The following CHODL variants were observed in gnomAD, a reference collection of about 807,000 sequenced individuals.
CHODL encodes the protein chondrolectin.
CHODL carries 29 observed loss-of-function variants against 34.5 expected under a neutral mutation model. That is an observed-to-expected ratio of 0.84 (90% CI 0.63 to 1.15). CHODL has a LOEUF of 1.15. Ranked by LOEUF, CHODL falls within the 50% of genes most tolerant of loss-of-function variation. The pLI, the probability that CHODL is intolerant of heterozygous loss-of-function variation, is 0.00. For synonymous variants in CHODL, 125 were observed against 116.1 expected, an observed-to-expected ratio of 1.08 and a Z score of -0.49; for missense variants, 332 against 332.5, an observed-to-expected ratio of 1.00 and a Z score of 0.01.
chr21:18,261,860 C>T (rs1601225451), intron 4 of CHODL, among the ~76,000 whole-genome samples: 1 of 152,126 alleles, frequency 6.6e-6, no homozygotes, highest in East Asian at 1.9e-4. Context: ...TAATTAAGAT[C>T]AAGTCTTTGT....
chr21:17,931,158 C>T (rs2063269786), intron 1 of CHODL, among the ~76,000 whole-genome samples: 2 of 152,190 alleles, frequency 1.3e-5, no homozygotes, highest in Admixed American at 6.5e-5. Flanking sequence ...GGTGCCTGTG[C>T]TCCTCATTGA....
At chr21:18,227,798 T>C (rs1408586783) in intron 2 of CHODL, among the ~76,000 whole-genome samples, 1 of 152,174 alleles carries the variant, frequency 6.6e-6, no homozygotes, top group African/African-American at 2.4e-5. Flanking sequence ...GCTTATGGTA[T>C]AGATAAAATA....
At chr21:18,036,389 A>C (rs368540195) in intron 2 of CHODL, among the ~76,000 whole-genome samples, 19 of 152,080 alleles carry the variant, frequency 1.2e-4, no homozygotes, top group Middle Eastern at 3.4e-3. Context: ...TATCCTCTGC[A>C]TATTTCAGGG....
chr21:18,249,136 AAT>A lies in CHODL; in HGVS notation c.79+3848_79+3849del, dbSNP rs1246825482. ...ATATATAATAAAATACATATATAAT[AAT>A]ATATATATATATAAAGGAGTCCAAG... is the stretch of plus-strand genomic sequence containing the variant. On this transcript the variant is annotated intron_variant, in intron 1 of 5. Coordinates refer to ENST00000299295, the MANE Select transcript of CHODL (RefSeq NM_024944.3). 3.8e-4 allele frequency among the ~76,000 whole-genome samples: 51 copies of A among 134,230 alleles called. No individual in the cohort carries two copies. The South Asian group carries it at 8.7e-3, about 23-fold the overall frequency. The allele number at this position is 134,230 out of a possible 152,430, so 88.1% of individuals were successfully genotyped here.
intron 2 of CHODL, among the ~76,000 whole-genome samples, chr21:18,220,798 C>G (rs1398460884): frequency 6.6e-6 from 1 of 151,410 alleles, no homozygotes; most frequent in Non-Finnish European, 1.5e-5. Context: ...TGATTTGATG[C>G]TTTTCTTTTG....
chr21:18,256,500 T>C lies in CHODL; in HGVS notation c.80-9T>C. ...TATCAATATATGGGCATCTTTTTTT[T>C]TTTTTCAGGCCAAAAGGTGTGTTTT... On this transcript the variant is annotated splice_polypyrimidine_tract_variant and intron_variant, in intron 1 of 5. Transcript: ENST00000299295. 1 of 1,576,842 alleles carries C rather than the reference T, an allele frequency of 6.3e-7. No homozygotes were observed. Among genetic ancestry groups the C allele is most frequent in the South Asian group, 1.2e-5 (1 of 85,546 alleles).
intron 2 of CHODL, among the ~76,000 whole-genome samples, chr21:18,151,437 C>G (rs778433953): frequency 9.9e-5 from 15 of 152,202 alleles, no homozygotes; most frequent in Non-Finnish European, 1.8e-4. Flanking sequence ...CATGAAAGCT[C>G]TCCACCCCTT....
At chr21:18,135,108 G>T (rs534086221) in intron 2 of CHODL, among the ~76,000 whole-genome samples, 1 of 152,246 alleles carries the variant, frequency 6.6e-6, no homozygotes, top group South Asian at 2.1e-4. Flanking sequence ...TAAGTAAATG[G>T]CACTCTCTAT....
At chr21:18,009,318 T>G (rs946055349) in intron 1 of CHODL, among the ~76,000 whole-genome samples, 1 of 152,164 alleles carries the variant, frequency 6.6e-6, no homozygotes, top group Non-Finnish European at 1.5e-5. Context: ...TCAACACATA[T>G]TTTTTCATTT....
At chr21:17,976,564 T>G (rs1290617433) in intron 1 of CHODL, among the ~76,000 whole-genome samples, 3 of 152,198 alleles carry the variant, frequency 2.0e-5, no homozygotes, top group Admixed American at 2.0e-4. Flanking sequence ...AAATTCAAAA[T>G]CATTATTGGT....
chr21:18,170,469 A>G (rs1315978619), intron 2 of CHODL, among the ~76,000 whole-genome samples: 1 of 152,060 alleles, frequency 6.6e-6, no homozygotes, highest in East Asian at 1.9e-4. Flanking sequence ...TATAAGTTTT[A>G]TGTCTCTTTT....
intron 2 of CHODL, among the ~76,000 whole-genome samples, chr21:18,202,090 C>G (rs2073661256): frequency 6.6e-6 from 1 of 152,148 alleles, no homozygotes; most frequent in Non-Finnish European, 1.5e-5. Flanking sequence ...CAGGCATCAG[C>G]CACGGCGCCC....
chr21:17,985,816 C>T (rs1033415303), intron 1 of CHODL, among the ~76,000 whole-genome samples: 2 of 152,132 alleles, frequency 1.3e-5, no homozygotes, highest in Non-Finnish European at 2.9e-5. Context: ...TGACCTTATT[C>T]TGGGTAGCTT....
At chr21:18,248,405 G>T (rs936682464) in intron 1 of CHODL, among the ~76,000 whole-genome samples, 1 of 151,094 alleles carries the variant, frequency 6.6e-6, no homozygotes, top group Non-Finnish European at 1.5e-5. Flanking sequence ...ATTACTTTAA[G>T]TATCTCTCGG....
At chr21:17,990,780 T>C (rs1023263893) in intron 1 of CHODL, among the ~76,000 whole-genome samples, 1 of 152,116 alleles carries the variant, frequency 6.6e-6, no homozygotes, top group Non-Finnish European at 1.5e-5. Context: ...GTAATTAGGA[T>C]ATCTGTTACC....
chr21:17,939,477 C>T (rs184704106), intron 1 of CHODL, among the ~76,000 whole-genome samples: 1 of 152,128 alleles, frequency 6.6e-6, no homozygotes, highest in African/African-American at 2.4e-5. Context: ...TCCATTTCAT[C>T]TGTCAGTGAA....
Position 17,927,098 on chromosome 21 carries a change from CTG to C in CHODL, c.-145+9704_-145+9705del, listed in dbSNP as rs530760463. Among the ~76,000 whole-genome samples the C allele has an allele frequency of 2.6e-3, 362 of 137,530 alleles. 3 individuals carry two copies. The highest frequency in any genetic ancestry group is 0.01 in the African/African-American group (326 of 31,670). 90.2% of individuals were successfully genotyped at this position (137,530 alleles called of 152,430 possible). A position where few individuals can be genotyped will look rare whatever the true frequency, so the allele number is the denominator to read the frequency against. On this transcript the variant is annotated intron_variant, in intron 1 of 6. Coordinates refer to the CHODL transcript ENST00000400127. ...TATATCTGTGTGTATGTATGTATATCTGTGTGTATGTATATATGTATATATGT... is the reference window on the plus strand; with the variant it reads ...TATATCTGTGTGTATGTATGTATATCTGTGTATGTATATATGTATATATGT...
intron 1 of CHODL, among the ~76,000 whole-genome samples, chr21:17,970,500 A>C (rs2063606105): frequency 6.6e-6 from 1 of 152,196 alleles, no homozygotes; most frequent in African/African-American, 2.4e-5. Flanking sequence ...TTTTTTCTAG[A>C]ATATTACTCC....
chr21:18,185,391 A>G (rs79884946), intron 2 of CHODL, among the ~76,000 whole-genome samples: 1 of 152,150 alleles, frequency 6.6e-6, no homozygotes. Context: ...CATGGTGTAT[A>G]TGTGCCACAT....
Sources: gnomAD v4.1 joint callset for allele counts (sites outside exome capture counted in the v4.1 genomes callset) on GRCh38, gnomAD v4.1.1 for gene constraint, MANE v1.5 for transcripts, NCBI Gene and HGNC (gene_info 2026-07-23, HGNC 2026-07-21) for gene names.